The following EDN2 variants were observed in gnomAD, a reference collection of about 807,000 sequenced individuals.
EDN2 encodes the protein endothelin-2.
EDN2 carries 10 observed loss-of-function variants against 19.9 expected under a neutral mutation model. That is an observed-to-expected ratio of 0.50 (90% confidence interval 0.31 to 0.85). The LOEUF (loss-of-function observed/expected upper bound fraction) is 0.85. EDN2 is among the 40% of genes least tolerant of loss of function. EDN2 has a pLI of 0.05. For synonymous variants in EDN2, 84 were observed against 94.9 expected (o/e 0.89, Z 0.67); for missense variants, 222 against 239.3 (o/e 0.93, Z 0.48).
In EDN2 at chr1:41,484,220, G is replaced by T; in HGVS notation, c.65-17C>A. On this transcript the variant is annotated splice_polypyrimidine_tract_variant and intron_variant, in intron 1 of 4. Coordinates refer to ENST00000372587, the MANE Select transcript of EDN2 (RefSeq NM_001956.5). ...GGCCCTTCCCTGCATGCACAGGAGG[G>T]AGAGAGAGGTGGAGAGGTGGGTTGG... is the stretch of plus-strand genomic sequence containing the variant. The T allele has an allele frequency of 6.2e-7, 1 of 1,609,048 alleles. No individual in the cohort carries two copies. The highest frequency in any genetic ancestry group is 8.5e-7 in the Non-Finnish European group (1 of 1,177,974).
chr1:41,481,048 A>T, intron 4 of EDN2, 47 bp downstream of exon 4: 1 of 1,448,710 alleles, frequency 6.9e-7, no homozygotes, highest in Non-Finnish European at 9.7e-7. Flanking sequence ...GAAATGTGCA[A>T]GGCATACAGG....
At chr1:41,483,906 A>T in intron 2 of EDN2, 141 bp downstream of exon 2, 1 of 865,544 alleles carries the variant, frequency 1.2e-6, no homozygotes, top group Non-Finnish European at 1.8e-6. Context: ...TGAAACAATT[A>T]ACTATTGATA....
At chr1:41,481,963 T>C (rs1298167686) in intron 3 of EDN2, among the ~76,000 whole-genome samples, 1 of 152,158 alleles carries the variant, frequency 6.6e-6, no homozygotes, top group African/African-American at 2.4e-5. Flanking sequence ...ATAGGAGACA[T>C]GGCAAAGGCT....
rs1471119412 is a variant in EDN2, at chr1:41,481,126, C to T, written c.412G>A (p.Ala138Thr). ...ADVFQTGKTG[A>T]TTGELLQRLR... Reference sequence around the variant, plus strand: ...CTTTGGAGAAGCTCTCCTGTAGTGGCCCCTGTCTTGCCAGTCTGGAACACG... The same window carrying T: ...CTTTGGAGAAGCTCTCCTGTAGTGGTCCCTGTCTTGCCAGTCTGGAACACG... The change falls in exon 4 of 5, where the codon GCC (alanine) becomes ACC (threonine). Residue 138 changes from alanine (A) to threonine (T), a missense_variant. Ala to Thr is a moderately conservative substitution (Grantham distance 58, BLOSUM62 0). Coordinates refer to ENST00000372587, the MANE Select transcript of EDN2 (RefSeq NM_001956.5). 4 of 1,614,128 alleles carry T rather than the reference C, an allele frequency of 2.5e-6. No individual in the cohort carries two copies. The highest frequency in any genetic ancestry group is 1.3e-5 in the African/African-American group (1 of 75,072).
intron 4 of EDN2, 111 bp downstream of exon 4, chr1:41,480,984 A>C (rs1644242431): frequency 1.1e-6 from 1 of 888,800 alleles, no homozygotes; most frequent in Non-Finnish European, 1.8e-6. Context: ...TCTGAGCCTC[A>C]GTTCTCTTTG....
chr1:41,483,433 A>C (rs11572347), intron 2 of EDN2, among the ~76,000 whole-genome samples: 1 of 152,216 alleles, frequency 6.6e-6, no homozygotes, highest in Non-Finnish European at 1.5e-5. Flanking sequence ...AGAAACTTCA[A>C]CTGAAGGTAT....
chr1:41,482,160 G>C (rs553594998), intron 3 of EDN2, among the ~76,000 whole-genome samples: 1 of 152,346 alleles, frequency 6.6e-6, no homozygotes, highest in Non-Finnish European at 1.5e-5. Context: ...GCAGCCTGAC[G>C]TGTCCTGCCC....
chr1:41,484,411 A>T, intron 1 of EDN2, 127 bp downstream of exon 1: 1 of 1,369,452 alleles, frequency 7.3e-7, no homozygotes, highest in Non-Finnish European at 9.9e-7. Context: ...TTCCCCTGCC[A>T]CCACTGCCGC....
chr1:41,480,624 G>T (rs1557997013), intron 4 of EDN2: 1 of 442,026 alleles, frequency 2.3e-6, no homozygotes, highest in South Asian at 1.6e-5. Flanking sequence ...TGCCCGGCAG[G>T]TGCAAGTGTC....
At position 41,481,172 on chromosome 1, in the gene EDN2, T is replaced by C. The variant is rs1206430350; in HGVS notation, c.366A>G (p.Pro122=). 1 of 1,613,840 alleles carries C rather than the reference T, an allele frequency of 6.2e-7. No individual in the cohort carries two copies. The highest frequency in any genetic ancestry group is 1.3e-5 in the African/African-American group (1 of 74,934). ...RRPWTEAGAV[P]SRKSPADVFQ... is the part of the protein sequence containing the mutation. ...ACACGTCTGCAGGGGACTTCCGGCT[T>C]GGGACTGCCCCGGCTTCAGTCCTAC... The change falls in exon 4 of 5, where the codon CCA becomes CCG. Residue 122 remains proline, a synonymous_variant. Transcript: ENST00000372587.
intron 4 of EDN2, among the ~76,000 whole-genome samples, chr1:41,479,928 C>G (rs768800405): frequency 6.6e-6 from 1 of 152,194 alleles, no homozygotes; most frequent in Non-Finnish European, 1.5e-5. Flanking sequence ...CAAGGTAGTC[C>G]AGCCCAGAAA....
rs1569593774 is a variant in EDN2 at position 41,484,399 on chromosome 1, C to A, written c.64+139G>T. ...CTGGGCACCTCTGTATTTGCAGAAC[C>A]TTTCCCCTGCCACCACTGCCGCCAG... On this transcript the variant is annotated intron_variant, in intron 1 of 4. Coordinates refer to ENST00000372587, the MANE Select transcript of EDN2 (RefSeq NM_001956.5). 33 of 1,340,014 alleles carry A rather than the reference C, an allele frequency of 2.5e-5. No individual in the cohort carries two copies. The East Asian group carries it at 6.0e-4, about 25-fold the overall frequency. The allele number at this position is 1,340,014 out of a possible 1,614,324, so 83.0% of individuals were successfully genotyped here.
chr1:41,479,255 C>A lies in EDN2; in HGVS notation c.*154G>T, dbSNP rs1272045165. 2 of 733,950 alleles carry A rather than the reference C, an allele frequency of 2.7e-6. No homozygotes were observed. Among genetic ancestry groups the A allele is most frequent in the Non-Finnish European group, 4.8e-6 (2 of 413,324 alleles). The allele number at this position is 733,950 out of a possible 1,614,324, so 45.5% of individuals were successfully genotyped here. A position where few individuals can be genotyped will look rare whatever the true frequency, so the allele number is the denominator to read the frequency against. On this transcript the variant is annotated 3_prime_UTR_variant, in exon 5 of 5. Coordinates refer to ENST00000372587, the MANE Select transcript of EDN2 (RefSeq NM_001956.5). The stretch of plus-strand genomic sequence containing the variant: ...AACTGCCTTGGACGAGGCTCCCTCA[C>A]CAGGGAGCTTGTGCCAATCCTGGCA...
chr1:41,482,594 G>A lies in EDN2; in HGVS notation c.222-6C>T. ...GGCCGTAAGGAGCTGTCTGTCTGTG[G>A]GCGGGCAGCCAGCAAGGTAGTGGTG... On this transcript the variant is annotated splice_region_variant and splice_polypyrimidine_tract_variant and intron_variant, in intron 2 of 4. Coordinates refer to ENST00000372587, the MANE Select transcript of EDN2 (RefSeq NM_001956.5). 1.9e-6 allele frequency: 3 copies of A among 1,563,752 alleles called. No individual in the cohort carries two copies. The highest frequency in any genetic ancestry group is 1.7e-6 in the Non-Finnish European group (2 of 1,159,470).
chr1:41,480,212 C>CT (rs958434116), intron 4 of EDN2, among the ~76,000 whole-genome samples: 53 of 152,236 alleles, frequency 3.5e-4, no homozygotes, highest in African/African-American at 1.2e-3. Context: ...CAGAAAGTTC[C>CT]TAAGTATATG....
In EDN2 at chr1:41,484,152, G is replaced by A. The variant is rs779966886; in HGVS notation, c.116C>T (p.Ala39Val). 5.0e-6 allele frequency: 8 copies of A among 1,613,348 alleles called. No individual in the cohort carries two copies. The highest frequency in any genetic ancestry group is 6.8e-6 in the Non-Finnish European group (8 of 1,180,032). ...TLEQPASSSH[A>V]QGTHLRLRRC... ...GCGAAGCCGAAGGTGGGTGCCTTGG[G>A]CATGAGATGAGGACGCTGGCTGCTC... Residue 39 changes from alanine (A) to valine (V), a missense_variant, in exon 2 of 5, where the codon GCC becomes GTC. Physicochemically the swap from Ala to Val is moderately conservative, Grantham distance 64 (BLOSUM62 0). Coordinates refer to ENST00000372587, the MANE Select transcript of EDN2 (RefSeq NM_001956.5).
Position 41,479,325 on chromosome 1 carries a change from G to T in EDN2, c.*84C>A. ...GACCAAGGCCCCGGTCCAGGAAGCA[G>T]GCAGAGAGTCCACAAGCCCTGGCCA... On this transcript the variant is annotated 3_prime_UTR_variant, in exon 5 of 5. Transcript: ENST00000372587. 8.4e-7 allele frequency: 1 copy of T among 1,195,674 alleles called. No individual in the cohort carries two copies. Among genetic ancestry groups the T allele is most frequent in the Non-Finnish European group, 1.2e-6 (1 of 811,482 alleles). The allele number at this position is 1,195,674 out of a possible 1,614,324, so 74.1% of individuals were successfully genotyped here. A position where few individuals can be genotyped will look rare whatever the true frequency, so the allele number is the denominator to read the frequency against.
intron 1 of EDN2, 142 bp downstream of exon 1, chr1:41,484,396 A>C: frequency 7.5e-7 from 1 of 1,331,140 alleles, no homozygotes; most frequent in Non-Finnish European, 1.0e-6. Flanking sequence ...GTATTTGCAG[A>C]ACCTTTCCCC....
intron 2 of EDN2, chr1:41,483,124 GGT>G (rs3835690): frequency 1.1e-4 from 16 of 151,122 alleles, no homozygotes; most frequent in South Asian, 2.1e-4. Flanking sequence ...TTGAAAGTGG[GGT>G]GTGTGTGTGT....
Sources: allele counts gnomAD v4.1 joint callset (sites outside exome capture counted in the v4.1 genomes callset), GRCh38; gene constraint gnomAD v4.1.1; transcripts MANE v1.5; gene names NCBI Gene and HGNC (gene_info 2026-07-23, HGNC 2026-07-21).